BNC2: variants seen among roughly 807,000 people sequenced by gnomAD.
The protein encoded by BNC2 is zinc finger protein basonuclin-2.
BNC2 carries 20 observed loss-of-function variants against 76.3 expected under a neutral mutation model. The observed-to-expected ratio is 0.26, with a 90% CI of 0.18 to 0.38. The LOEUF (loss-of-function observed/expected upper bound fraction) is 0.38. BNC2 is among the 10% of genes least tolerant of loss of function. BNC2 has a pLI of 1.00. For missense variants in BNC2, 1,382 were observed against 1,399.8 expected (o/e 0.99, Z 0.20); for synonymous variants, 582 against 514.8 (o/e 1.13, Z -1.77).
At chr9:16,598,238 G>C (rs1000260649) in intron 3 of BNC2, among the ~76,000 whole-genome samples, 3 of 152,124 alleles carry the variant, frequency 2.0e-5, no homozygotes, top group African/African-American at 7.2e-5. Context: ...GGTTTTCTAA[G>C]TATGATCTGA....
chr9:16,658,657 C>A (rs1454885286), intron 3 of BNC2, among the ~76,000 whole-genome samples: 1 of 152,160 alleles, frequency 6.6e-6, no homozygotes, highest in Non-Finnish European at 1.5e-5. Flanking sequence ...TAAGCATGTG[C>A]CCAGCCCTTT....
In BNC2 at chr9:16,846,972, T is replaced by G. The variant is rs528385262; in HGVS notation, c.3+23674A>C. ...ATGTGCTTTGGAAACACCCGAAACTTAACTTCCCTGAAAGTACACTATTTC... is the reference window on the plus strand; with the variant it reads ...ATGTGCTTTGGAAACACCCGAAACTGAACTTCCCTGAAAGTACACTATTTC... On this transcript the variant is annotated intron_variant, in intron 1 of 6. Transcript: ENST00000380672. Among the ~76,000 whole-genome samples, 10 of 152,296 alleles carry G rather than the reference T, an allele frequency of 6.6e-5. No homozygotes were observed. In the East Asian group the frequency reaches 1.9e-3, roughly 29 times the overall value.
chr9:16,423,765 T>G (rs78376415), intron 6 of BNC2, among the ~76,000 whole-genome samples: 3,517 of 152,288 alleles, frequency 0.023, 108 homozygotes, highest in African/African-American at 0.071. Context: ...TATAAGGGAA[T>G]GCCACAAAAT....
intron 5 of BNC2, among the ~76,000 whole-genome samples, chr9:16,465,294 G>C (rs369461628): frequency 2.2e-4 from 33 of 152,220 alleles, no homozygotes; most frequent in African/African-American, 7.5e-4. Flanking sequence ...AAATTAGCCA[G>C]GTGTGGTGGC....
intron 1 of BNC2, among the ~76,000 whole-genome samples, chr9:16,751,784 A>G (rs1381320317): frequency 6.6e-6 from 1 of 151,930 alleles, no homozygotes; most frequent in East Asian, 1.9e-4. Flanking sequence ...TAATCTCAGC[A>G]CTTTGGAGGC....
intron 3 of BNC2, chr9:16,699,153 T>G (rs1482879813): frequency 2.1e-6 from 1 of 467,732 alleles, no homozygotes. Context: ...TTCCCTTTGT[T>G]TTAAAAACAG....
chr9:16,472,465 A>G (rs1413346264), intron 5 of BNC2, among the ~76,000 whole-genome samples: 1 of 152,196 alleles, frequency 6.6e-6, no homozygotes, highest in Non-Finnish European at 1.5e-5. Context: ...GTTCTTATAT[A>G]TACCTACTCT....
intron 3 of BNC2, among the ~76,000 whole-genome samples, chr9:16,645,590 G>C (rs1821601529): frequency 6.6e-6 from 1 of 152,194 alleles, no homozygotes; most frequent in African/African-American, 2.4e-5. Flanking sequence ...CTGGATGTCA[G>C]ATCTGGAATC....
At chr9:16,663,881 T>C (rs979107029) in intron 3 of BNC2, among the ~76,000 whole-genome samples, 5 of 152,212 alleles carry the variant, frequency 3.3e-5, no homozygotes, top group African/African-American at 9.6e-5. Context: ...TGAATAAATG[T>C]ACTGTTAAAC....
intron 5 of BNC2, among the ~76,000 whole-genome samples, chr9:16,499,264 T>G (rs1327134535): frequency 6.6e-6 from 1 of 152,098 alleles, no homozygotes; most frequent in Admixed American, 6.6e-5. Context: ...TGAGGCTCAG[T>G]CAGTTAAGTT....
chr9:16,440,638 T>C (rs1821107611), intron 5 of BNC2, among the ~76,000 whole-genome samples: 1 of 152,198 alleles, frequency 6.6e-6, no homozygotes, highest in Non-Finnish European at 1.5e-5. Context: ...AGGCATCTCA[T>C]TTCCATCACC....
intron 3 of BNC2, among the ~76,000 whole-genome samples, chr9:16,671,521 G>C (rs13285301): frequency 0.47 from 72,038 of 151,956 alleles, 19,058 homozygotes; most frequent in Non-Finnish European, 0.61. Flanking sequence ...CCTTTACCAC[G>C]AGGGGTTCTG....
At chr9:16,730,188 T>C (rs968234270) in intron 2 of BNC2, among the ~76,000 whole-genome samples, 1 of 152,192 alleles carries the variant, frequency 6.6e-6, no homozygotes, top group African/African-American at 2.4e-5. Flanking sequence ...AAAACTGTTA[T>C]TCTGCAAGAC....
At chr9:16,639,924 T>TA (rs568581599) in intron 3 of BNC2, among the ~76,000 whole-genome samples, 127 of 146,936 alleles carry the variant, frequency 8.6e-4, no homozygotes, top group African/African-American at 1.1e-3. Flanking sequence ...CCTGTCTCAT[T>TA]AAAAAAAAAA....
At chr9:16,551,249 C>G (rs1241700806) in intron 5 of BNC2, among the ~76,000 whole-genome samples, 1 of 152,202 alleles carries the variant, frequency 6.6e-6, no homozygotes, top group Non-Finnish European at 1.5e-5. Flanking sequence ...AGACGTCATT[C>G]TATTCTGAGA....
chr9:16,732,903 A>C (rs1292606941), intron 2 of BNC2, among the ~76,000 whole-genome samples: 1 of 152,222 alleles, frequency 6.6e-6, no homozygotes, highest in East Asian at 1.9e-4. Flanking sequence ...AAAACTGGCT[A>C]TCCAATCTTA....
intron 3 of BNC2, among the ~76,000 whole-genome samples, chr9:16,694,170 C>T (rs1345511372): frequency 6.6e-6 from 1 of 152,068 alleles, no homozygotes; most frequent in Non-Finnish European, 1.5e-5. Flanking sequence ...GGTTTCCTCC[C>T]TTGCTAAACA....
chr9:16,413,688 A>G lies in BNC2; in HGVS notation c.*5301T>C, dbSNP rs1422814820. 1 of 152,218 alleles carries G rather than the reference A, an allele frequency of 6.6e-6. No homozygotes were observed. Among genetic ancestry groups the G allele is most frequent in the East Asian group, 1.9e-4 (1 of 5,190 alleles). 9.4% of individuals were successfully genotyped at this position (152,218 alleles called of 1,614,324 possible). ...TTATGGTGAGCAACACTCCAGCTAC[A>G]GGAAATATGCGACTCGTCTGGGACA... On this transcript the variant is annotated 3_prime_UTR_variant, in exon 7 of 7. Coordinates refer to ENST00000380672, the MANE Select transcript of BNC2 (RefSeq NM_017637.6).
chr9:16,642,564 T>G (rs910091341), intron 3 of BNC2, among the ~76,000 whole-genome samples: 8 of 152,186 alleles, frequency 5.3e-5, no homozygotes, highest in African/African-American at 1.9e-4. Flanking sequence ...TTCTTTCACT[T>G]CTGAGGACAC....
Sources: gnomAD v4.1 joint callset for allele counts (sites outside exome capture counted in the v4.1 genomes callset) on GRCh38, gnomAD v4.1.1 for gene constraint, MANE v1.5 for transcripts, NCBI Gene and HGNC (gene_info 2026-07-23, HGNC 2026-07-21) for gene names.